Variants in MIDN observed in about 807,000 individuals in gnomAD.
The protein encoded by MIDN is midbrain nucleolar protein.
In MIDN, 26 loss-of-function variants were observed where a neutral mutation model predicts 46.1. That is an observed-to-expected ratio of 0.56 (90% CI 0.41 to 0.78). The LOEUF (loss-of-function observed/expected upper bound fraction) is 0.78. Ranked by LOEUF, MIDN falls within the 30% of genes least tolerant of loss-of-function variation. The probability of loss-of-function intolerance (pLI) is 0.00; values close to 1 mark genes in which losing one functional copy is unlikely to be tolerated. For missense variants in MIDN, 850 were observed against 771.8 expected, an observed-to-expected ratio of 1.10 and a Z score of -1.20; for synonymous variants, 432 against 343.3, an observed-to-expected ratio of 1.26 and a Z score of -2.86.
Position 1,254,262 on chromosome 19 carries a change from C to T in MIDN, c.609C>T (p.His203=), listed in dbSNP as rs749352245. The T allele has an allele frequency of 1.0e-5, 16 of 1,587,632 alleles. No individual in the cohort carries two copies. Among genetic ancestry groups the T allele is most frequent in the Middle Eastern group, 1.7e-4 (1 of 6,010 alleles). Residue 203 remains histidine, a synonymous_variant, in exon 6 of 9, where the codon CAC becomes CAT. Transcript: ENST00000682408. ...MFVQLQLAAQ[H]APLQHRHVLA... is the part of the protein sequence containing the mutation. The stretch of plus-strand genomic sequence containing the variant: ...TGCAGCTGCAGCTCGCGGCCCAGCA[C>T]GCTCCACTGCAACACCGCCATGTGC...
In MIDN at chr19:1,258,857, C is replaced by T. The variant is rs1555751188; in HGVS notation, c.*1585C>T. On this transcript the variant is annotated 3_prime_UTR_variant, in exon 9 of 9. Transcript: ENST00000682408. ...AGGGGCGGGTTTGTTTTTTGAAGAACTGTCTTGGATACCTATTTAAATGTG... is the reference window on the plus strand; with the variant it reads ...AGGGGCGGGTTTGTTTTTTGAAGAATTGTCTTGGATACCTATTTAAATGTG... The T allele has an allele frequency of 1.3e-5, 2 of 150,990 alleles. No homozygotes were observed. Among genetic ancestry groups the T allele is most frequent in the Non-Finnish European group, 2.9e-5 (2 of 67,814 alleles). 9.4% of individuals were successfully genotyped at this position (150,990 alleles called of 1,614,324 possible).
intron 4 of MIDN, among the ~76,000 whole-genome samples, chr19:1,253,295 C>A (rs1187194283): frequency 6.6e-6 from 1 of 152,040 alleles, no homozygotes; most frequent in East Asian, 1.9e-4. Flanking sequence ...GCCTCCCTCC[C>A]CATGGGCCCC....
intron 1 of MIDN, among the ~76,000 whole-genome samples, 194 bp downstream of exon 1, chr19:1,248,854 C>T (rs2081086675): frequency 6.6e-6 from 1 of 152,094 alleles, no homozygotes; most frequent in South Asian, 2.1e-4. Context: ...AGCCCCCGCC[C>T]CGCCCCCCGG....
Position 1,250,269 on chromosome 19 carries a change from G to T in MIDN, c.-28G>T, listed in dbSNP as rs1234869907. 1.8e-4 allele frequency: 162 copies of T among 905,372 alleles called. No individual in the cohort carries two copies. The highest frequency in any genetic ancestry group is 2.0e-4 in the Non-Finnish European group (154 of 757,742). The allele number at this position is 905,372 out of a possible 1,614,324, so 56.1% of individuals were successfully genotyped here. On this transcript the variant is annotated 5_prime_UTR_variant, in exon 2 of 9. Coordinates refer to ENST00000682408, the MANE Select transcript of MIDN (RefSeq NM_001388306.1). ...GCGGCGAGGATTGGCGGCGCCCGCC[G>T]CCCCCAGCCCCCCAGCGCGCGCCGG...
Position 1,257,558 on chromosome 19 carries a change from T to C in MIDN, c.*286T>C. The C allele has an allele frequency of 5.3e-6, 2 of 374,310 alleles. No individual in the cohort carries two copies. Among genetic ancestry groups the C allele is most frequent in the Non-Finnish European group, 9.6e-6 (2 of 208,158 alleles). 23.2% of individuals were successfully genotyped at this position (374,310 alleles called of 1,614,324 possible). A position where few individuals can be genotyped will look rare whatever the true frequency, so the allele number is the denominator to read the frequency against. On this transcript the variant is annotated 3_prime_UTR_variant, in exon 9 of 9. Coordinates refer to ENST00000682408, the MANE Select transcript of MIDN (RefSeq NM_001388306.1). Reference sequence around the variant, plus strand: ...TCCTCCGTCTGTCTCCTTTCACCTCTGCGCCAGGTCGGTCCTCCCTGCCAA... The same window carrying C: ...TCCTCCGTCTGTCTCCTTTCACCTCCGCGCCAGGTCGGTCCTCCCTGCCAA...
intron 2 of MIDN, among the ~76,000 whole-genome samples, chr19:1,251,074 A>T (rs879391342): frequency 6.6e-6 from 1 of 150,686 alleles, no homozygotes; most frequent in Non-Finnish European, 1.5e-5. Context: ...GCGGAGGGGG[A>T]GGGTCTCCTT....
In MIDN at chr19:1,250,295, G is replaced by A. The variant is rs1394802365; in HGVS notation, c.-2G>A. On this transcript the variant is annotated 5_prime_UTR_variant, in exon 2 of 9. Transcript: ENST00000682408. Reference sequence around the variant, plus strand: ...CCCCCAGCCCCCCAGCGCGCGCCGGGGATGGAGCCGCAGCCCGGCGGCGCC... The same window carrying A: ...CCCCCAGCCCCCCAGCGCGCGCCGGAGATGGAGCCGCAGCCCGGCGGCGCC... 3.1e-6 allele frequency: 3 copies of A among 982,678 alleles called. No individual in the cohort carries two copies. Among genetic ancestry groups the A allele is most frequent in the South Asian group, 4.6e-5 (1 of 21,712 alleles). 60.9% of individuals were successfully genotyped at this position (982,678 alleles called of 1,614,324 possible). A position where few individuals can be genotyped will look rare whatever the true frequency, so the allele number is the denominator to read the frequency against.
chr19:1,254,429 T>C lies in MIDN; in HGVS notation c.776T>C (p.Ile259Thr). The change falls in exon 6 of 9, where the codon ATC (isoleucine) becomes ACC (threonine). Residue 259 changes from isoleucine to threonine, a missense_variant. Physicochemically the swap from Ile to Thr is moderately conservative, Grantham distance 89. Coordinates refer to ENST00000682408, the MANE Select transcript of MIDN (RefSeq NM_001388306.1). ...TSPSPASPSP[I>T]TAGSFRSHAA... ...CCGTCCCCTGCATCTCCCTCGCCCA[T>C]CACAGCCGGCTCCTTCCGGTCCCAC... The C allele has an allele frequency of 6.4e-7, 1 of 1,566,290 alleles. No individual in the cohort carries two copies. Among genetic ancestry groups the C allele is most frequent in the South Asian group, 1.2e-5 (1 of 86,338 alleles).
intron 4 of MIDN, among the ~76,000 whole-genome samples, chr19:1,252,445 G>T (rs954214662): frequency 6.6e-6 from 1 of 152,290 alleles, no homozygotes; most frequent in Admixed American, 6.5e-5. Context: ...CCCAGCCCTG[G>T]GGCCAGTGAG....
At chr19:1,252,346 C>T (rs1473288697) in intron 4 of MIDN, among the ~76,000 whole-genome samples, 1 of 152,142 alleles carries the variant, frequency 6.6e-6, no homozygotes, top group African/African-American at 2.4e-5. Context: ...CTTCCGTGAC[C>T]CCCATCGTGA....
chr19:1,251,472 C>T (rs2081126882), intron 2 of MIDN, 90 bp from the exon 3 acceptor site: 7 of 1,198,280 alleles, frequency 5.8e-6, no homozygotes, highest in South Asian at 1.3e-5. Context: ...CCGTCTCTCC[C>T]CACACAAGCA....
rs760336822 is a variant in MIDN, at chr19:1,251,589, G to A, written c.261G>A (p.Glu87=). ...DTRLSSGKLQ[E]FGVGDGSKLT... Reference sequence around the variant, plus strand: ...GGCTCAGTTCGGGGAAGCTGCAGGAGTTCGGCGTGGGTGATGGCAGCAAGC... The same window carrying A: ...GGCTCAGTTCGGGGAAGCTGCAGGAATTCGGCGTGGGTGATGGCAGCAAGC... Residue 87 remains glutamate, a synonymous_variant, in exon 3 of 9, where the codon GAG becomes GAA. Transcript: ENST00000682408. 4 of 1,606,876 alleles carry A rather than the reference G, an allele frequency of 2.5e-6. No individual in the cohort carries two copies. In the East Asian group the frequency reaches 8.9e-5, roughly 36 times the overall value.
chr19:1,257,053 G>A lies in MIDN; in HGVS notation c.1317G>A (p.Gln439=). 1 of 1,612,398 alleles carries A rather than the reference G, an allele frequency of 6.2e-7. No individual in the cohort carries two copies. The highest frequency in any genetic ancestry group is 8.5e-7 in the Non-Finnish European group (1 of 1,179,960). The change falls in exon 9 of 9, where the codon CAG becomes CAA. Residue 439 remains glutamine, a synonymous_variant. Coordinates refer to ENST00000682408, the MANE Select transcript of MIDN (RefSeq NM_001388306.1). ...CGCGCTGCAAGGTGGAACGGCTGCAGCTGCTTCTGCAGCAGAAACGGCTCC... is the reference window on the plus strand; with the variant it reads ...CGCGCTGCAAGGTGGAACGGCTGCAACTGCTTCTGCAGCAGAAACGGCTCC... The part of the protein sequence containing the change: ...RATRCKVERL[Q]LLLQQKRLRR...
At chr19:1,249,471 C>T (rs941525298) in intron 1 of MIDN, among the ~76,000 whole-genome samples, 6 of 149,976 alleles carry the variant, frequency 4.0e-5, no homozygotes, top group African/African-American at 1.5e-4. Flanking sequence ...GCCCGCGCCC[C>T]CTCCCGCTCC....
rs1221050314 is a variant in MIDN, at chr19:1,249,897, G to A, written c.-400G>A. On this transcript the variant is annotated 5_prime_UTR_variant, in exon 2 of 9. Coordinates refer to ENST00000682408, the MANE Select transcript of MIDN (RefSeq NM_001388306.1). ...TGTTACTTTCACCCCCAGATCCTCC[G>A]AGCGGCGGCGACGGCTGTTGCTAAG... The A allele has an allele frequency of 4.6e-5, 7 of 151,942 alleles. No homozygotes were observed. The highest frequency in any genetic ancestry group is 1.7e-4 in the African/African-American group (7 of 41,402). 9.4% of individuals were successfully genotyped at this position (151,942 alleles called of 1,614,324 possible).
rs761718144 is a variant in MIDN, at chr19:1,255,663, C to T, written c.1227C>T (p.Gly409=). 67 of 1,598,218 alleles carry T rather than the reference C, an allele frequency of 4.2e-5. No individual in the cohort carries two copies. Among genetic ancestry groups the T allele is most frequent in the Non-Finnish European group, 5.4e-5 (64 of 1,176,280 alleles). Residue 409 remains glycine (G), a synonymous_variant, in exon 8 of 9, where the codon GGC becomes GGT. Transcript: ENST00000682408. ...CCCCCTCAGCCTCCCTGCTGCAGGG[C>T]CAGAGCCAGATCCGCATGTGCAAGC... ...TAAPSASLLQ[G]QSQIRMCKPP... is the part of the protein sequence containing the mutation.
At position 1,257,017 on chromosome 19, in the gene MIDN, A is replaced by G; in HGVS notation, c.1281A>G (p.Glu427=). The G allele has an allele frequency of 6.2e-7, 1 of 1,611,282 alleles. No homozygotes were observed. Among genetic ancestry groups the G allele is most frequent in the South Asian group, 1.1e-5 (1 of 91,080 alleles). ...KPPGDRLRQT[E]NRATRCKVER... is the part of the protein sequence containing the mutation. ...CAGGGGACCGGCTTCGGCAGACAGA[A>G]AACCGCGCCACGCGCTGCAAGGTGG... is the stretch of plus-strand genomic sequence containing the variant. The change falls in exon 9 of 9, where the codon GAA becomes GAG. Residue 427 remains glutamate (E), a synonymous_variant. Coordinates refer to ENST00000682408, the MANE Select transcript of MIDN (RefSeq NM_001388306.1).
chr19:1,254,321 G>T lies in MIDN; in HGVS notation c.668G>T (p.Gly223Val). The change falls in exon 6 of 9, where the codon GGG becomes GTG. Residue 223 changes from glycine to valine, a missense_variant. Physicochemically the swap from Gly to Val is moderately radical, Grantham distance 109. Coordinates refer to ENST00000682408, the MANE Select transcript of MIDN (RefSeq NM_001388306.1). ...GCGGCCGCCGCCGCTGCTGCGCGGG[G>T]GGACCCCAGCATAGCCTCCCCCGTG... ...AAAAAAAAAR[G>V]DPSIASPVSS... The T allele has an allele frequency of 1.3e-6, 2 of 1,571,184 alleles. No homozygotes were observed. Among genetic ancestry groups the T allele is most frequent in the Non-Finnish European group, 1.7e-6 (2 of 1,165,620 alleles).
At chr19:1,252,594 G>C (rs1221479885) in intron 4 of MIDN, among the ~76,000 whole-genome samples, 3 of 151,618 alleles carry the variant, frequency 2.0e-5, no homozygotes, top group African/African-American at 7.3e-5. Context: ...CTGCGGCCAA[G>C]CCTTCCTCAG....
Sources: gnomAD v4.1 joint callset for allele counts (sites outside exome capture counted in the v4.1 genomes callset) on GRCh38, gnomAD v4.1.1 for gene constraint, MANE v1.5 for transcripts, NCBI Gene and HGNC (gene_info 2026-07-23, HGNC 2026-07-21) for gene names.